Variants in TANC2 observed in about 807,000 individuals in gnomAD.
TANC2 encodes the protein protein TANC2.
TANC2 carries 26 observed loss-of-function variants against 210.5 expected under a neutral mutation model. That is an observed-to-expected ratio of 0.12 (90% CI 0.09 to 0.17). The LOEUF is 0.17. TANC2 is among the 10% of genes least tolerant of loss of function. The pLI is 1.00. For missense variants in TANC2, 2,129 were observed against 2,608.9 expected (o/e 0.82, Z 4.01); for synonymous variants, 931 against 967.1 (o/e 0.96, Z 0.69).
chr17:63,169,992 G>A (rs9905535), intron 5 of TANC2, among the ~76,000 whole-genome samples: 4,174 of 147,998 alleles, frequency 0.028, 60 homozygotes, highest in South Asian at 0.039. Flanking sequence ...GGTGGCAGGT[G>A]CCTGTAGTCC....
At chr17:63,128,607 T>C (rs2038800284) in intron 4 of TANC2, among the ~76,000 whole-genome samples, 1 of 152,264 alleles carries the variant, frequency 6.6e-6, no homozygotes, top group Non-Finnish European at 1.5e-5. Flanking sequence ...TAAGGGAAAG[T>C]GTTTAATACA....
intron 19 of TANC2, among the ~76,000 whole-genome samples, chr17:63,402,507 T>G (rs747229095): frequency 2.0e-5 from 3 of 152,196 alleles, no homozygotes; most frequent in Non-Finnish European, 4.4e-5. Context: ...CCCCTTGATC[T>G]TACATGACCT....
At chr17:63,045,267 A>G (rs2035335040) in intron 2 of TANC2, among the ~76,000 whole-genome samples, 1 of 152,202 alleles carries the variant, frequency 6.6e-6, no homozygotes, top group South Asian at 2.1e-4. Context: ...CTTTCTTTAT[A>G]GAAAAAGTTT....
intron 8 of TANC2, among the ~76,000 whole-genome samples, chr17:63,257,772 T>C (rs927759659): frequency 1.3e-5 from 2 of 152,254 alleles, no homozygotes; most frequent in East Asian, 1.9e-4. Context: ...CTCTACACTT[T>C]AACTTCATCT....
intron 14 of TANC2, among the ~76,000 whole-genome samples, chr17:63,365,471 C>T (rs966066333): frequency 1.3e-5 from 2 of 152,180 alleles, no homozygotes; most frequent in African/African-American, 4.8e-5. Flanking sequence ...CGAGTCCATT[C>T]TCCACCAGCA....
At chr17:63,134,155 AGACATAACT>A (rs2039011732) in intron 4 of TANC2, among the ~76,000 whole-genome samples, 3 of 152,314 alleles carry the variant, frequency 2.0e-5, no homozygotes, top group African/African-American at 7.2e-5. Flanking sequence ...GGAAAGGGAC[AGACATAACT>A]GAGGTAAGAA....
intron 9 of TANC2, among the ~76,000 whole-genome samples, chr17:63,287,010 T>C (rs2146389779): frequency 6.6e-6 from 1 of 152,282 alleles, no homozygotes; most frequent in East Asian, 1.9e-4. Flanking sequence ...CTTGGCCCAC[T>C]GCAACCTCTG....
At chr17:63,393,954 T>G (rs112859891) in intron 17 of TANC2, among the ~76,000 whole-genome samples, 3,195 of 151,908 alleles carry the variant, frequency 0.021, 106 homozygotes, top group African/African-American at 0.072. Flanking sequence ...TATTTTTTAA[T>G]AGAGATGGGG....
chr17:63,121,972 G>C (rs2038498196), intron 4 of TANC2, among the ~76,000 whole-genome samples: 1 of 151,418 alleles, frequency 6.6e-6, no homozygotes, highest in African/African-American at 2.4e-5. Context: ...ATCTCTTGCG[G>C]GGGGAGGGGG....
chr17:63,316,947 GTTA>G (rs1162539418), intron 10 of TANC2, among the ~76,000 whole-genome samples: 2 of 54,136 alleles, frequency 3.7e-5, no homozygotes, highest in East Asian at 2.4e-4. Flanking sequence ...CAGAATATAA[GTTA>G]TTAATATAAG....
chr17:62,974,211 G>A (rs187088072), intron 1 of TANC2, among the ~76,000 whole-genome samples: 17 of 152,250 alleles, frequency 1.1e-4, no homozygotes, highest in African/African-American at 4.1e-4. Flanking sequence ...TATCTCACAG[G>A]CCCCTGTTGT....
intron 26 of TANC2, 129 bp downstream of exon 26, chr17:63,415,803 C>T: frequency 9.2e-7 from 1 of 1,090,618 alleles, no homozygotes; most frequent in Non-Finnish European, 1.3e-6. Flanking sequence ...CTTCACAGAG[C>T]ACTGACATTT....
chr17:63,156,496 G>C (rs1049060981), intron 5 of TANC2, among the ~76,000 whole-genome samples: 1 of 151,952 alleles, frequency 6.6e-6, no homozygotes, highest in Non-Finnish European at 1.5e-5. Flanking sequence ...ATAGACTTGA[G>C]AGGAGAATGA....
At chr17:63,254,153 C>T (rs1188728153) in intron 8 of TANC2, among the ~76,000 whole-genome samples, 2 of 152,078 alleles carry the variant, frequency 1.3e-5, no homozygotes, top group Admixed American at 6.6e-5. Flanking sequence ...TTTGTGTCCT[C>T]TTTAATTTCT....
chr17:63,263,225 T>C (rs2043423029), intron 8 of TANC2, among the ~76,000 whole-genome samples: 1 of 152,190 alleles, frequency 6.6e-6, no homozygotes, highest in African/African-American at 2.4e-5. Context: ...GAGCTGACTC[T>C]GAATTTTCAG....
intron 24 of TANC2, chr17:63,413,140 A>G (rs2048756373): frequency 4.8e-6 from 1 of 207,860 alleles, no homozygotes; most frequent in South Asian, 1.5e-4. Context: ...AAGAGGCTAA[A>G]CATCTGGGGG....
intron 16 of TANC2, 133 bp from the exon 17 acceptor site, chr17:63,389,175 T>G: frequency 3.3e-5 from 23 of 703,424 alleles, no homozygotes; most frequent in Non-Finnish European, 5.4e-5. Context: ...AAGGAGCAAA[T>G]GAGATTATAA....
intron 18 of TANC2, chr17:63,396,535 TGTGAAGAGGGGTG>T (rs2048163603): frequency 6.5e-6 from 1 of 154,294 alleles, no homozygotes; most frequent in Admixed American, 6.3e-5. Context: ...AACAACCAAC[TGTGAAGAGGGGTG>T]TGGGGTGGAA....
chr17:63,340,645 C>G (rs2046198570), intron 12 of TANC2, among the ~76,000 whole-genome samples: 1 of 152,154 alleles, frequency 6.6e-6, no homozygotes, highest in Non-Finnish European at 1.5e-5. Context: ...AAATTTGTGG[C>G]TCCAACGCAG....
Sources: allele counts gnomAD v4.1 joint callset (sites outside exome capture counted in the v4.1 genomes callset), GRCh38; gene constraint gnomAD v4.1.1; transcripts MANE v1.5; gene names NCBI Gene and HGNC (gene_info 2026-07-23, HGNC 2026-07-21).